LUZP2: variants seen among roughly 807,000 people sequenced by gnomAD.
LUZP2 encodes the protein leucine zipper protein 2.
In LUZP2, 52 loss-of-function variants were observed where a neutral mutation model predicts 51.6. The ratio of observed to expected loss-of-function variants is 1.01; its 90% confidence interval spans 0.81 to 1.27. LUZP2 has a LOEUF of 1.27. LUZP2 is among the 50% of genes most tolerant of loss of function. The pLI is 0.00. For missense variants in LUZP2, 436 were observed against 395.4 expected, an observed-to-expected ratio of 1.10 and a Z score of -0.87; for synonymous variants, 154 against 137.3, an observed-to-expected ratio of 1.12 and a Z score of -0.85.
chr11:25,006,417 T>C (rs957034263), intron 9 of LUZP2, among the ~76,000 whole-genome samples: 4 of 152,132 alleles, frequency 2.6e-5, no homozygotes, highest in African/African-American at 9.7e-5. Flanking sequence ...ACCCTGGAGC[T>C]GAATGGCTTT....
intron 1 of LUZP2, among the ~76,000 whole-genome samples, chr11:24,626,181 C>G (rs1854674806): frequency 1.3e-5 from 2 of 152,098 alleles, no homozygotes; most frequent in Admixed American, 1.3e-4. Context: ...TGGCAGCCAT[C>G]TCAACTGTCT....
chr11:25,067,579 A>T (rs1461183581), intron 10 of LUZP2, among the ~76,000 whole-genome samples: 2 of 152,052 alleles, frequency 1.3e-5, no homozygotes, highest in Admixed American at 1.3e-4. Flanking sequence ...AAAAATGCTC[A>T]TCATCATTGG....
At chr11:24,671,856 G>A (rs879787443) in intron 1 of LUZP2, among the ~76,000 whole-genome samples, 3 of 152,042 alleles carry the variant, frequency 2.0e-5, no homozygotes, top group Non-Finnish European at 2.9e-5. Flanking sequence ...AAATGAGTAC[G>A]GGATAAATAT....
At chr11:24,663,815 A>G (rs1345970028) in intron 1 of LUZP2, among the ~76,000 whole-genome samples, 1 of 152,058 alleles carries the variant, frequency 6.6e-6, no homozygotes, top group African/African-American at 2.4e-5. Context: ...GTTTTACATG[A>G]GGCTTCCCCC....
intron 7 of LUZP2, among the ~76,000 whole-genome samples, chr11:24,946,133 A>G (rs555203365): frequency 1.3e-5 from 2 of 152,184 alleles, no homozygotes; most frequent in South Asian, 2.1e-4. Context: ...TTCATGTTAT[A>G]TATTCATACT....
intron 5 of LUZP2, among the ~76,000 whole-genome samples, chr11:24,849,197 G>A (rs1851306047): frequency 6.6e-6 from 1 of 151,936 alleles, no homozygotes; most frequent in South Asian, 2.1e-4. Flanking sequence ...TTGTTACATA[G>A]GTATACACCT....
chr11:25,043,965 C>CTCT (rs1491311936), intron 9 of LUZP2, among the ~76,000 whole-genome samples: 3 of 13,210 alleles, frequency 2.3e-4, no homozygotes, highest in Admixed American at 7.2e-4. Flanking sequence ...ATATATAGTC[C>CTCT]ATATATATCT....
intron 1 of LUZP2, among the ~76,000 whole-genome samples, chr11:24,688,476 T>C (rs1856965563): frequency 6.6e-6 from 1 of 152,164 alleles, no homozygotes; most frequent in Non-Finnish European, 1.5e-5. Flanking sequence ...GGAGTTCAAG[T>C]AGACATTTGA....
At chr11:25,018,603 CTTTTTTTTT>C in intron 9 of LUZP2, among the ~76,000 whole-genome samples, 1 of 108,840 alleles carries the variant, frequency 9.2e-6, no homozygotes, top group South Asian at 3.1e-4. Context: ...TTCCTTTTTC[CTTTTTTTTT>C]TTTTTTTTTT....
chr11:24,888,248 T>G (rs1590692105), intron 5 of LUZP2, among the ~76,000 whole-genome samples: 1 of 152,244 alleles, frequency 6.6e-6, no homozygotes, highest in South Asian at 2.1e-4. Context: ...GCCTGTTTTC[T>G]GAGCCTTATT....
chr11:24,703,342 C>A (rs4359207), intron 1 of LUZP2, among the ~76,000 whole-genome samples: 61,520 of 151,946 alleles, frequency 0.4, 12,722 homozygotes, highest in East Asian at 0.59. Flanking sequence ...TAGACTCTTA[C>A]TTCTGAAGGT....
chr11:24,967,939 T>A (rs1855635042), intron 7 of LUZP2, among the ~76,000 whole-genome samples: 1 of 152,132 alleles, frequency 6.6e-6, no homozygotes, highest in Admixed American at 6.6e-5. Flanking sequence ...GCGATGGAGA[T>A]TGTGGTTGAT....
At position 24,611,581 on chromosome 11, in the gene LUZP2, G is replaced by A. The variant is rs1293622631; in HGVS notation, c.62+114276G>A. On this transcript the variant is annotated intron_variant, in intron 1 of 11. Transcript: ENST00000336930. This position sits in a 1 kb window ranked among gnomAD's most constrained non-coding sequence, Gnocchi z 4.6. The stretch of plus-strand genomic sequence containing the variant: ...TAGGGTGGAAAGGGAGGCAGTTACT[G>A]GAAAGTAAAAATGGAACTTACGAGA... 6.6e-6 allele frequency among the ~76,000 whole-genome samples: 1 copy of A among 151,980 alleles called. No homozygotes were observed. The highest frequency in any genetic ancestry group is 1.5e-5 in the Non-Finnish European group (1 of 67,994).
chr11:24,598,246 C>T (rs1409798798), intron 1 of LUZP2, among the ~76,000 whole-genome samples: 1 of 151,864 alleles, frequency 6.6e-6, no homozygotes, highest in Non-Finnish European at 1.5e-5. Flanking sequence ...AGTTATTTCC[C>T]CCAAGAAGTG....
chr11:24,936,278 CATT>C (rs1282964123), intron 7 of LUZP2, among the ~76,000 whole-genome samples: 1 of 152,136 alleles, frequency 6.6e-6, no homozygotes, highest in Non-Finnish European at 1.5e-5. Context: ...CCAATTAAAT[CATT>C]ATACTTGTAC....
intron 1 of LUZP2, among the ~76,000 whole-genome samples, chr11:24,602,385 T>TACACACACACACACACAC (rs1444866024): frequency 2.3e-5 from 2 of 86,610 alleles, no homozygotes; most frequent in Non-Finnish European, 5.0e-5. Flanking sequence ...TATATATATA[T>TACACACACACACACACAC]ATACACACAC....
chr11:24,561,130 G>A (rs1333919788), intron 1 of LUZP2, among the ~76,000 whole-genome samples: 2 of 152,176 alleles, frequency 1.3e-5, no homozygotes, highest in East Asian at 1.9e-4. Flanking sequence ...TTCAGGTACT[G>A]TGCTAGACTC....
intron 1 of LUZP2, among the ~76,000 whole-genome samples, chr11:24,517,510 A>AAAAAAAAAAAAC (rs1564964373): frequency 1.4e-5 from 2 of 146,702 alleles, no homozygotes; most frequent in Non-Finnish European, 1.5e-5. Flanking sequence ...AAAAAAAAAA[A>AAAAAAAAAAAAC]AAATTGTAGG....
intron 9 of LUZP2, among the ~76,000 whole-genome samples, chr11:25,047,458 T>A (rs978150956): frequency 3.3e-5 from 5 of 151,864 alleles, no homozygotes; most frequent in African/African-American, 1.2e-4. Flanking sequence ...CAATAATACT[T>A]ACCTATTAGG....
Sources: allele counts gnomAD v4.1 joint callset (sites outside exome capture counted in the v4.1 genomes callset), GRCh38; gene constraint gnomAD v4.1.1; non-coding constraint Gnocchi (gnomAD v3.1); transcripts MANE v1.5; gene names NCBI Gene and HGNC (gene_info 2026-07-23, HGNC 2026-07-21).